The following ME2 variants were observed in gnomAD, a reference collection of about 807,000 sequenced individuals.
ME2 encodes malic enzyme 2, also known as NAD-dependent malic enzyme, mitochondrial.
Under a neutral mutation model 73.7 loss-of-function variants are expected in ME2, and 60 were observed. The observed-to-expected ratio is 0.81, with a 90% confidence interval of 0.66 to 1.01. ME2 has a LOEUF of 1.01. Among genes scored for constraint, ME2 ranks in the 50% least tolerant of loss-of-function variants. The probability of loss-of-function intolerance (pLI) is 0.00; values close to 1 mark genes in which losing one functional copy is unlikely to be tolerated. For synonymous variants in ME2, 199 were observed against 236.9 expected (o/e 0.84, Z 1.47); for missense variants, 594 against 705.5 (o/e 0.84, Z 1.79).
At chr18:50,895,663 T>C (rs1916721385) in intron 1 of ME2, 146 bp from the exon 2 acceptor site, 2 of 602,668 alleles carry the variant, frequency 3.3e-6, no homozygotes, top group African/African-American at 1.9e-5. Context: ...TCAGAAAAAG[T>C]AAGTTTTCAC....
intron 13 of ME2, among the ~76,000 whole-genome samples, chr18:50,937,539 T>C (rs943221788): frequency 1.3e-5 from 2 of 151,924 alleles, no homozygotes; most frequent in African/African-American, 4.8e-5. Context: ...TTATTAAAGA[T>C]TTTCATAAAA....
chr18:50,938,417 C>T (rs186284924), intron 13 of ME2, among the ~76,000 whole-genome samples: 38 of 152,244 alleles, frequency 2.5e-4, no homozygotes, highest in Non-Finnish European at 4.6e-4. Flanking sequence ...ATTGATGCTT[C>T]TCACCAGCAC....
At chr18:50,924,597 T>G (rs1359294984) in intron 11 of ME2, among the ~76,000 whole-genome samples, 1 of 150,858 alleles carries the variant, frequency 6.6e-6, no homozygotes, top group East Asian at 1.9e-4. Context: ...GCCATCAGAC[T>G]ATGTCATCAT....
chr18:50,941,626 TG>T (rs1917962554), intron 15 of ME2, among the ~76,000 whole-genome samples: 1 of 150,178 alleles, frequency 6.7e-6, no homozygotes, highest in African/African-American at 2.4e-5. Flanking sequence ...CCACCGGCCC[TG>T]GCCTCTCAAA....
rs1329324703 is a variant in ME2, at chr18:50,941,773, T to C, written c.1587+1387T>C. Among the ~76,000 whole-genome samples, 5 of 151,838 alleles carry C rather than the reference T, an allele frequency of 3.3e-5. No homozygotes were observed. The East Asian group carries it at 5.8e-4, about 18-fold the overall frequency. On this transcript the variant is annotated intron_variant, in intron 15 of 15. Coordinates refer to ENST00000321341, the MANE Select transcript of ME2 (RefSeq NM_002396.5). ...CTGATGCATATTGTCAAATGAGCTC[T>C]TCAGAAAAAGTACTGATTTACATTG...
At chr18:50,895,691 T>C in intron 1 of ME2, 118 bp from the exon 2 acceptor site, 1 of 652,742 alleles carries the variant, frequency 1.5e-6, no homozygotes, top group Admixed American at 3.0e-5. Flanking sequence ...TCTTGTTACC[T>C]TTTTAAAACT....
chr18:50,906,353 C>T (rs373945825), intron 2 of ME2, among the ~76,000 whole-genome samples: 1 of 152,056 alleles, frequency 6.6e-6, no homozygotes, highest in East Asian at 1.9e-4. Flanking sequence ...TGCTCTTTTG[C>T]CTAGGCTGGA....
chr18:50,917,334 T>G lies in ME2; in HGVS notation c.469-13T>G, dbSNP rs376606096. 2 of 1,593,590 alleles carry G rather than the reference T, an allele frequency of 1.3e-6. No individual in the cohort carries two copies. Among genetic ancestry groups the G allele is most frequent in the Non-Finnish European group, 1.7e-6 (2 of 1,168,268 alleles). On this transcript the variant is annotated splice_polypyrimidine_tract_variant and intron_variant, in intron 5 of 15. Coordinates refer to ENST00000321341, the MANE Select transcript of ME2 (RefSeq NM_002396.5). ...TTTTGACAACTTTTAATTTGCATTT[T>G]TTTGTGATTAAGGCTGTTGTAGTGA...
chr18:50,914,491 G>T (rs747311137), intron 4 of ME2, among the ~76,000 whole-genome samples: 1 of 152,148 alleles, frequency 6.6e-6, no homozygotes, highest in Non-Finnish European at 1.5e-5. Flanking sequence ...TTATGTGTGA[G>T]GGCAAATACT....
intron 5 of ME2, 91 bp from the exon 6 acceptor site, chr18:50,917,256 A>G: frequency 1.0e-6 from 1 of 975,508 alleles, no homozygotes; most frequent in Non-Finnish European, 1.5e-6. Context: ...CAAAGAGTAA[A>G]TATATATGAA....
intron 2 of ME2, among the ~76,000 whole-genome samples, chr18:50,899,310 A>G (rs1412261854): frequency 3.9e-5 from 6 of 152,142 alleles, no homozygotes; most frequent in Admixed American, 2.6e-4. Context: ...CAACTAAGAC[A>G]TGAAAAGAAA....
At chr18:50,940,495 A>C (rs908412621) in intron 15 of ME2, 109 bp downstream of exon 15, 8 of 746,848 alleles carry the variant, frequency 1.1e-5, no homozygotes, top group African/African-American at 7.2e-5. Context: ...TGCAAAGAAG[A>C]AATTTTAGGC....
At chr18:50,935,986 T>G (rs1917810229) in intron 13 of ME2, among the ~76,000 whole-genome samples, 1 of 152,112 alleles carries the variant, frequency 6.6e-6, no homozygotes, top group Non-Finnish European at 1.5e-5. Flanking sequence ...CTGAGTTTTT[T>G]TTTTAGAACT....
At chr18:50,927,751 T>TATATGC (rs1316314513) in intron 12 of ME2, among the ~76,000 whole-genome samples, 1 of 123,306 alleles carries the variant, frequency 8.1e-6, no homozygotes, top group Non-Finnish European at 1.6e-5. Context: ...TATATATATA[T>TATATGC]ACACACCACA....
chr18:50,890,398 A>C (rs1916579454), intron 1 of ME2, among the ~76,000 whole-genome samples: 1 of 152,144 alleles, frequency 6.6e-6, no homozygotes, highest in Admixed American at 6.6e-5. Context: ...CCAGGCATGC[A>C]CCACTGTGCA....
At position 50,949,827 on chromosome 18, in the gene ME2, A is replaced by G. The variant is rs182049965; in HGVS notation, c.*2643A>G. ...AATTGTCATTGTTATTTACCAGTCA[A>G]TCTTTCAACAAGTATCAATTATTGG... On this transcript the variant is annotated 3_prime_UTR_variant, in exon 16 of 16. Transcript: ENST00000321341. The G allele has an allele frequency of 1.9e-4, 29 of 152,314 alleles. No homozygotes were observed. Among genetic ancestry groups the G allele is most frequent in the Admixed American group, 7.2e-4 (11 of 15,296 alleles). The allele number at this position is 152,314 out of a possible 1,614,324, so 9.4% of individuals were successfully genotyped here. A position where few individuals can be genotyped will look rare whatever the true frequency, so the allele number is the denominator to read the frequency against.
At chr18:50,914,308 T>C (rs1477136950) in intron 4 of ME2, among the ~76,000 whole-genome samples, 1 of 152,220 alleles carries the variant, frequency 6.6e-6, no homozygotes, top group Non-Finnish European at 1.5e-5. Context: ...TTTTATAGTT[T>C]CTTATTAGAA....
intron 15 of ME2, among the ~76,000 whole-genome samples, chr18:50,940,884 TC>T (rs1211049505): frequency 1.4e-4 from 21 of 152,310 alleles, no homozygotes; most frequent in African/African-American, 4.3e-4. Flanking sequence ...TGCATGGCAT[TC>T]TCTTTATTAT....
At chr18:50,935,773 G>C (rs1178500036) in intron 13 of ME2, 2 of 78,354 alleles carry the variant, frequency 2.6e-5, no homozygotes, top group Non-Finnish European at 2.7e-5. Flanking sequence ...AAAAAAAAAA[G>C]AGTGAATGAG....
Sources: allele counts gnomAD v4.1 joint callset (sites outside exome capture counted in the v4.1 genomes callset), GRCh38; gene constraint gnomAD v4.1.1; transcripts MANE v1.5; gene names NCBI Gene and HGNC (gene_info 2026-07-23, HGNC 2026-07-21).